HIBADH: variants seen among roughly 807,000 people sequenced by gnomAD.
HIBADH encodes 3-hydroxyisobutyrate dehydrogenase.
HIBADH carries 25 observed loss-of-function variants against 36.1 expected under a neutral mutation model. The ratio of observed to expected loss-of-function variants is 0.69; its 90% CI spans 0.50 to 0.97. The LOEUF (loss-of-function observed/expected upper bound fraction) is 0.97. HIBADH is among the 50% of genes least tolerant of loss of function. HIBADH has a pLI of 0.00. For synonymous variants in HIBADH, 160 were observed against 149.5 expected (o/e 1.07, Z -0.51); for missense variants, 421 against 418.0 (o/e 1.01, Z -0.06).
At chr7:27,552,912 T>C (rs914155277) in intron 4 of HIBADH, among the ~76,000 whole-genome samples, 2 of 152,186 alleles carry the variant, frequency 1.3e-5, no homozygotes, top group African/African-American at 4.8e-5. Flanking sequence ...TCATAAGCCA[T>C]TGACAAAGTG....
chr7:27,609,220 G>C (rs1339944389), intron 4 of HIBADH, among the ~76,000 whole-genome samples: 2 of 152,156 alleles, frequency 1.3e-5, no homozygotes, highest in East Asian at 1.9e-4. Flanking sequence ...TGCTGGAGCT[G>C]CCTCAACCAT....
chr7:27,637,786 T>C (rs147211005), intron 2 of HIBADH, among the ~76,000 whole-genome samples: 93 of 152,068 alleles, frequency 6.1e-4, no homozygotes, highest in African/African-American at 2.2e-3. Flanking sequence ...CATTCCTATA[T>C]ACCAACAACA....
intron 4 of HIBADH, among the ~76,000 whole-genome samples, chr7:27,584,476 G>T (rs1443220570): frequency 6.6e-6 from 1 of 152,062 alleles, no homozygotes. Context: ...TTACTTGAAA[G>T]ATCCAGTTTT....
intron 2 of HIBADH, among the ~76,000 whole-genome samples, chr7:27,640,692 T>C (rs62454908): frequency 0.2 from 31,015 of 152,144 alleles, 4,103 homozygotes; most frequent in East Asian, 0.5. Flanking sequence ...AGGTTGACAG[T>C]TGTTAGGCTA....
At chr7:27,655,748 T>TA (rs1158217066) in intron 1 of HIBADH, among the ~76,000 whole-genome samples, 1 of 54,196 alleles carries the variant, frequency 1.8e-5, no homozygotes, top group African/African-American at 1.1e-4. Flanking sequence ...ATATGTAAAT[T>TA]ACCCCCCAGA....
chr7:27,657,823 T>C (rs1786334319), intron 1 of HIBADH, among the ~76,000 whole-genome samples: 1 of 152,202 alleles, frequency 6.6e-6, no homozygotes, highest in Non-Finnish European at 1.5e-5. Flanking sequence ...AAGTTACAAG[T>C]TACTTAACTT....
intron 2 of HIBADH, among the ~76,000 whole-genome samples, chr7:27,638,245 T>C (rs1268960128): frequency 8.0e-6 from 1 of 124,518 alleles, no homozygotes; most frequent in Admixed American, 1.1e-4. Context: ...CACAGACCAA[T>C]GGGACAGAAT....
intron 4 of HIBADH, among the ~76,000 whole-genome samples, chr7:27,601,345 T>G (rs1470572989): frequency 1.3e-5 from 2 of 152,138 alleles, no homozygotes; most frequent in Non-Finnish European, 2.9e-5. Context: ...GTTACCAATA[T>G]AATTCTTTCA....
rs536649907 is a variant in HIBADH, at chr7:27,578,853, A to G, written c.485-35753T>C. On this transcript the variant is annotated intron_variant, in intron 4 of 7. Transcript: ENST00000265395. ...AACAAGTCAAGATTCTCTATAACTG[A>G]ATACTACACTTCTTAAAAAATAATC... 9.2e-5 allele frequency among the ~76,000 whole-genome samples: 14 copies of G among 152,332 alleles called. No individual in the cohort carries two copies. In the East Asian group the frequency reaches 2.5e-3, roughly 27 times the overall value.
chr7:27,554,639 T>C (rs1784365668), intron 4 of HIBADH, among the ~76,000 whole-genome samples: 1 of 152,178 alleles, frequency 6.6e-6, no homozygotes, highest in African/African-American at 2.4e-5. Context: ...AGTTCTGTTA[T>C]AACTTTGAGG....
chr7:27,593,287 T>C (rs984284178), intron 4 of HIBADH, among the ~76,000 whole-genome samples: 1 of 152,166 alleles, frequency 6.6e-6, no homozygotes, highest in Non-Finnish European at 1.5e-5. Flanking sequence ...CGGGTATGTA[T>C]TCTGCAAACA....
chr7:27,640,167 C>T (rs984215022), intron 2 of HIBADH, among the ~76,000 whole-genome samples: 2 of 152,156 alleles, frequency 1.3e-5, no homozygotes, highest in African/African-American at 4.8e-5. Flanking sequence ...AATGTACAGT[C>T]AATTAATAAT....
intron 4 of HIBADH, among the ~76,000 whole-genome samples, chr7:27,611,798 G>A (rs953062639): frequency 6.6e-6 from 1 of 152,162 alleles, no homozygotes; most frequent in Non-Finnish European, 1.5e-5. Context: ...GTGATACAAA[G>A]ATAAATGTTC....
At chr7:27,634,945 G>A (rs2391447) in intron 2 of HIBADH, among the ~76,000 whole-genome samples, 120,522 of 152,154 alleles carry the variant, frequency 0.79, 48,109 homozygotes, top group East Asian at 0.97. Flanking sequence ...CCCCTCAATT[G>A]TATAGGAAAG....
rs1562615667 is a variant in HIBADH, at chr7:27,542,966, C to T, written c.618+1G>A. 6.2e-7 allele frequency: 1 copy of T among 1,612,786 alleles called. No homozygotes were observed. The highest frequency in any genetic ancestry group is 1.7e-5 in the Admixed American group (1 of 59,808). ...CAAGGTCATTAATGTAAAAATCTTA[C>T]CTGCCCAGTCCCAACAGCTCCACAG... On this transcript the variant is annotated splice_donor_variant, in intron 5 of 7. Coordinates refer to ENST00000265395, the MANE Select transcript of HIBADH (RefSeq NM_152740.4). LOFTEE classifies it high-confidence loss of function.
chr7:27,658,624 G>GA (rs1237262808), intron 1 of HIBADH, among the ~76,000 whole-genome samples: 1 of 151,918 alleles, frequency 6.6e-6, no homozygotes, highest in Non-Finnish European at 1.5e-5. Flanking sequence ...TTTCATTGTA[G>GA]AAAACTAGAA....
In HIBADH at chr7:27,588,173, A is replaced by T. The variant is rs1784890369; in HGVS notation, c.484+41198T>A. On this transcript the variant is annotated intron_variant, in intron 4 of 7. Transcript: ENST00000265395. ...AAGGCTGCTGGCCAGGCACAAGTCA[A>T]ATGTAACCATGTTTCAGGTTTAAAG... Among the ~76,000 whole-genome samples, 4 of 152,206 alleles carry T rather than the reference A, an allele frequency of 2.6e-5. No individual in the cohort carries two copies. The South Asian group carries it at 8.3e-4, about 31-fold the overall frequency.
intron 1 of HIBADH, among the ~76,000 whole-genome samples, chr7:27,653,089 A>C (rs918251176): frequency 2.0e-5 from 3 of 152,170 alleles, no homozygotes; most frequent in Admixed American, 1.3e-4. Flanking sequence ...AGATCGCACC[A>C]CTGCACTCCA....
chr7:27,542,863 T>C lies in HIBADH; in HGVS notation c.618+104A>G. The C allele has an allele frequency of 2.4e-6, 3 of 1,237,088 alleles. No homozygotes were observed. The Admixed American group carries it at 7.2e-5, about 30-fold the overall frequency. 76.6% of individuals were successfully genotyped at this position (1,237,088 alleles called of 1,614,324 possible). ...AATGTTTTAAAATCTGAGCAAAGAATCCATAGGTTGAAGAAAGAAGAATAA... is the reference window on the plus strand; with the variant it reads ...AATGTTTTAAAATCTGAGCAAAGAACCCATAGGTTGAAGAAAGAAGAATAA... On this transcript the variant is annotated intron_variant, in intron 5 of 7. Coordinates refer to ENST00000265395, the MANE Select transcript of HIBADH (RefSeq NM_152740.4).
Sources: gnomAD v4.1 joint callset for allele counts (sites outside exome capture counted in the v4.1 genomes callset) on GRCh38, gnomAD v4.1.1 for gene constraint, MANE v1.5 for transcripts, NCBI Gene and HGNC (gene_info 2026-07-23, HGNC 2026-07-21) for gene names.